Variants in FBLN5 observed in about 807,000 individuals in gnomAD.
The protein encoded by FBLN5 is fibulin 5, also known as fibulin-5.
Under a neutral mutation model 61.6 loss-of-function variants are expected in FBLN5, and 24 were observed. That is an observed-to-expected ratio of 0.39 (90% CI 0.28 to 0.55). The LOEUF (loss-of-function observed/expected upper bound fraction) is 0.55. Among genes scored for constraint, FBLN5 ranks in the 20% least tolerant of loss-of-function variants. The pLI is 0.65. For missense variants in FBLN5, 470 were observed against 594.1 expected (o/e 0.79, Z 2.17); for synonymous variants, 213 against 219.8 (o/e 0.97, Z 0.27).
chr14:91,887,698 A>G (rs1341151707), intron 6 of FBLN5, among the ~76,000 whole-genome samples: 1 of 151,894 alleles, frequency 6.6e-6, no homozygotes, highest in Non-Finnish European at 1.5e-5. Context: ...CCTCACCCTC[A>G]CTGACTTGGA....
intron 4 of FBLN5, among the ~76,000 whole-genome samples, chr14:91,898,273 CT>C (rs1313075007): frequency 2.6e-5 from 4 of 152,052 alleles, no homozygotes; most frequent in African/African-American, 9.7e-5. Flanking sequence ...TGCTGTGTCC[CT>C]GGTAATGTTC....
Position 91,883,630 on chromosome 14 carries a change from T to C in FBLN5, c.740-554A>G, listed in dbSNP as rs143245462. ...CAAAAGGCCAGGATTTTAATTATATTAAAACTTCACTGTGTAAAAAAAAAA... is the reference window on the plus strand; with the variant it reads ...CAAAAGGCCAGGATTTTAATTATATCAAAACTTCACTGTGTAAAAAAAAAA... On this transcript the variant is annotated intron_variant, in intron 7 of 10. Transcript: ENST00000342058. Among the ~76,000 whole-genome samples the C allele has an allele frequency of 5.0e-4, 57 of 113,344 alleles. 1 individual carries two copies. The highest frequency in any genetic ancestry group is 1.9e-3 in the African/African-American group (57 of 30,660). The allele number at this position is 113,344 out of a possible 152,430, so 74.4% of individuals were successfully genotyped here.
rs2060786147 is a variant in FBLN5, at chr14:91,947,352, A to T, written c.-123T>A. 1 of 1,142,926 alleles carries T rather than the reference A, an allele frequency of 8.7e-7. No homozygotes were observed. The highest frequency in any genetic ancestry group is 1.9e-5 in the Admixed American group (1 of 53,026). The allele number at this position is 1,142,926 out of a possible 1,614,324, so 70.8% of individuals were successfully genotyped here. ...GGGGCTCGCGGGTGTTTTATTCCAG[A>T]GGGGCCGAGCGAGTCGTGGAGAGGA... is the stretch of plus-strand genomic sequence containing the variant. On this transcript the variant is annotated 5_prime_UTR_variant, in exon 1 of 11. Transcript: ENST00000342058. The surrounding 1 kb of genome is among the most constrained non-coding windows in gnomAD (Gnocchi z 4.3).
At position 91,884,155 on chromosome 14, in the gene FBLN5, G is replaced by A. The variant is rs189685599; in HGVS notation, c.740-1079C>T. ...TGCCTCTCCACCATCAGATAATTCC[G>A]GGTGTTACACGCCTTGTGCCTCTCA... On this transcript the variant is annotated intron_variant, in intron 7 of 10. Coordinates refer to ENST00000342058, the MANE Select transcript of FBLN5 (RefSeq NM_006329.4). Among the ~76,000 whole-genome samples the A allele has an allele frequency of 1.1e-3, 175 of 152,264 alleles. 2 individuals carry two copies. The highest frequency in any genetic ancestry group is 6.8e-3 in the Middle Eastern group (2 of 294).
intron 2 of FBLN5, chr14:91,942,301 G>A (rs1193516433): frequency 2.5e-6 from 1 of 394,940 alleles, no homozygotes; most frequent in Non-Finnish European, 5.0e-6. Flanking sequence ...GGCCCTCCTA[G>A]GTTTGGAGCT....
chr14:91,890,248 C>T (rs886859935), intron 6 of FBLN5, among the ~76,000 whole-genome samples: 1 of 152,228 alleles, frequency 6.6e-6, no homozygotes, highest in East Asian at 1.9e-4. Context: ...TCCTATTTAC[C>T]GATGATTTAG....
intron 1 of FBLN5, among the ~76,000 whole-genome samples, chr14:91,946,352 T>C (rs940407079): frequency 1.3e-5 from 2 of 151,664 alleles, no homozygotes; most frequent in African/African-American, 4.8e-5. Context: ...GGCAGGTTGG[T>C]GCTCATAACC....
intron 9 of FBLN5, among the ~76,000 whole-genome samples, chr14:91,880,594 C>T (rs1030424539): frequency 6.6e-6 from 1 of 151,882 alleles, no homozygotes; most frequent in Non-Finnish European, 1.5e-5. Context: ...GTCACCCAGA[C>T]TGGACTGCAG....
At chr14:91,883,355 G>A (rs1476939621) in intron 7 of FBLN5, among the ~76,000 whole-genome samples, 1 of 152,064 alleles carries the variant, frequency 6.6e-6, no homozygotes, top group Non-Finnish European at 1.5e-5. Context: ...CCTCTCACTC[G>A]GCTGCACCTT....
intron 4 of FBLN5, 24 bp from the exon 5 acceptor site, chr14:91,895,096 G>T (rs1293217225): frequency 6.2e-7 from 1 of 1,613,632 alleles, no homozygotes; most frequent in South Asian, 1.1e-5. Flanking sequence ...ATAGTCCAAA[G>T]AATGTCACTC....
chr14:91,921,124 AC>A (rs1237847353), intron 4 of FBLN5, among the ~76,000 whole-genome samples: 1 of 152,252 alleles, frequency 6.6e-6, no homozygotes, highest in Non-Finnish European at 1.5e-5. Context: ...AAAATCCGTC[AC>A]CTGGGATTTT....
At chr14:91,890,161 T>C (rs1042620742) in intron 6 of FBLN5, among the ~76,000 whole-genome samples, 1 of 152,164 alleles carries the variant, frequency 6.6e-6, no homozygotes, top group Non-Finnish European at 1.5e-5. Flanking sequence ...CCAGAATTCT[T>C]GGAACAATTA....
intron 4 of FBLN5, among the ~76,000 whole-genome samples, chr14:91,909,947 C>T (rs886836654): frequency 1.3e-5 from 2 of 152,186 alleles, no homozygotes; most frequent in South Asian, 2.1e-4. Context: ...TGGGTAGCCA[C>T]TATGGAAAAC....
chr14:91,937,084 G>T lies in FBLN5; in HGVS notation c.242C>A (p.Ser81Ter). 1 of 1,614,056 alleles carries T rather than the reference G, an allele frequency of 6.2e-7. No individual in the cohort carries two copies. The highest frequency in any genetic ancestry group is 8.5e-7 in the Non-Finnish European group (1 of 1,180,016). ...RTNPVYRGPY[S>*]NPYSTPYSGP... is the part of the protein sequence containing the mutation. ...TGAGTAGGGGGTCGAGTAGGGGTTCGAGTAGGGCCCTCGATACACAGGGTT... is the reference window on the plus strand; with the variant it reads ...TGAGTAGGGGGTCGAGTAGGGGTTCTAGTAGGGCCCTCGATACACAGGGTT... Residue 81 changes from serine (S) to a stop codon, truncating the protein, a stop_gained, in exon 4 of 11, where the codon TCG (serine) becomes TAG (stop). Transcript: ENST00000342058. LOFTEE classifies it high-confidence loss of function.
At chr14:91,942,996 G>C in intron 1 of FBLN5, 35 bp from the exon 2 acceptor site, 3 of 1,419,856 alleles carry the variant, frequency 2.1e-6, no homozygotes, top group Non-Finnish European at 2.0e-6. Context: ...AAATGCCCAA[G>C]ACAGATTCAG....
intron 4 of FBLN5, 132 bp downstream of exon 4, chr14:91,936,815 T>C (rs1227144037): frequency 1.8e-6 from 2 of 1,083,906 alleles, no homozygotes; most frequent in East Asian, 4.7e-5. Flanking sequence ...GAAATAAGTA[T>C]GCAGAGAGTA....
rs2056092366 is a variant in FBLN5 at position 91,940,731 on chromosome 14, C to G, written c.73-115G>C. Reference sequence around the variant, plus strand: ...CAAAAAAGAAAGGCCTCCAAAATACCAATACCTGTATTATAACCCCTATTT... The same window carrying G: ...CAAAAAAGAAAGGCCTCCAAAATACGAATACCTGTATTATAACCCCTATTT... On this transcript the variant is annotated intron_variant, in intron 2 of 10. Coordinates refer to ENST00000342058, the MANE Select transcript of FBLN5 (RefSeq NM_006329.4). 5 of 798,690 alleles carry G rather than the reference C, an allele frequency of 6.3e-6. No homozygotes were observed. The African/African-American group carries it at 8.5e-5, about 14-fold the overall frequency. 49.5% of individuals were successfully genotyped at this position (798,690 alleles called of 1,614,324 possible).
intron 1 of FBLN5, among the ~76,000 whole-genome samples, chr14:91,944,103 G>A (rs906705020): frequency 1.3e-5 from 2 of 152,322 alleles, no homozygotes; most frequent in South Asian, 4.1e-4. Context: ...GCCGAGGCAG[G>A]AAGGTCACCT....
At chr14:91,916,791 G>C (rs753693532) in intron 4 of FBLN5, among the ~76,000 whole-genome samples, 45 of 152,292 alleles carry the variant, frequency 3.0e-4, no homozygotes, top group Non-Finnish European at 4.6e-4. Context: ...CCATGCAAAA[G>C]TTAGGATTCC....
Sources: gnomAD v4.1 joint callset for allele counts (sites outside exome capture counted in the v4.1 genomes callset) on GRCh38, gnomAD v4.1.1 for gene constraint, Gnocchi (gnomAD v3.1) non-coding constraint, MANE v1.5 for transcripts, NCBI Gene and HGNC (gene_info 2026-07-23, HGNC 2026-07-21) for gene names.